The following CDH8 variants were observed in gnomAD, a reference collection of about 807,000 sequenced individuals.
The protein encoded by CDH8 is cadherin-8.
CDH8 carries 17 observed loss-of-function variants against 68.1 expected under a neutral mutation model. That is an observed-to-expected ratio of 0.25 (90% confidence interval 0.17 to 0.37). CDH8 has a LOEUF of 0.37. Ranked by LOEUF, CDH8 falls within the 10% of genes least tolerant of loss-of-function variation. CDH8 has a pLI of 1.00. For synonymous variants in CDH8, 372 were observed against 365.1 expected (o/e 1.02, Z -0.21); for missense variants, 763 against 999.3 (o/e 0.76, Z 3.19).
chr16:61,979,216 G>T (rs987304705), intron 2 of CDH8, among the ~76,000 whole-genome samples: 3 of 152,150 alleles, frequency 2.0e-5, no homozygotes, highest in Non-Finnish European at 4.4e-5. Flanking sequence ...CATCATACAG[G>T]ACTTTTGGGA....
At chr16:61,952,159 T>G (rs1964908533) in intron 2 of CDH8, among the ~76,000 whole-genome samples, 1 of 152,068 alleles carries the variant, frequency 6.6e-6, no homozygotes, top group South Asian at 2.1e-4. Context: ...TTAATAGGAG[T>G]CAAAATAATG....
Position 61,714,886 on chromosome 16 carries a change from C to T in CDH8, c.1537-928G>A, listed in dbSNP as rs150878102. On this transcript the variant is annotated intron_variant, in intron 9 of 11. Transcript: ENST00000577390. ...CGAGGATATAATAATGATGTCAATGCTATTGTGTCTGTGTGAACAATTATG... is the reference window on the plus strand; with the variant it reads ...CGAGGATATAATAATGATGTCAATGTTATTGTGTCTGTGTGAACAATTATG... Among the ~76,000 whole-genome samples, 1,504 of 151,580 alleles carry T rather than the reference C, an allele frequency of 9.9e-3. 16 individuals are homozygous for T. Among genetic ancestry groups the T allele is most frequent in the South Asian group, 0.02 (98 of 4,810 alleles).
At chr16:61,967,128 G>C (rs749153642) in intron 2 of CDH8, among the ~76,000 whole-genome samples, 51 of 152,320 alleles carry the variant, frequency 3.3e-4, no homozygotes, top group Non-Finnish European at 3.8e-4. Flanking sequence ...TTGAGCCCAG[G>C]AGTCCGAGGC....
chr16:61,812,329 G>C (rs957682468), intron 7 of CDH8, among the ~76,000 whole-genome samples: 18 of 152,144 alleles, frequency 1.2e-4, no homozygotes, highest in African/African-American at 4.3e-4. Flanking sequence ...AAAATGCAAT[G>C]CTTCTGTGTT....
chr16:61,757,272 G>T (rs1253995103), intron 8 of CDH8, among the ~76,000 whole-genome samples: 1 of 151,896 alleles, frequency 6.6e-6, no homozygotes, highest in African/African-American at 2.4e-5. Flanking sequence ...TATTTAAAGG[G>T]GTTTATGAAG....
intron 8 of CDH8, among the ~76,000 whole-genome samples, chr16:61,766,847 T>C (rs886862482): frequency 2.0e-5 from 3 of 151,992 alleles, no homozygotes; most frequent in South Asian, 2.1e-4. Flanking sequence ...TACTCGTTTG[T>C]TCTGTGCAAG....
intron 10 of CDH8, among the ~76,000 whole-genome samples, chr16:61,702,490 AAAAT>A (rs1964452040): frequency 6.6e-6 from 1 of 152,256 alleles, no homozygotes; most frequent in Non-Finnish European, 1.5e-5. Flanking sequence ...CATAGAGTCA[AAAAT>A]AATGATTGAT....
At chr16:61,973,129 C>A (rs1965372628) in intron 2 of CDH8, among the ~76,000 whole-genome samples, 1 of 152,158 alleles carries the variant, frequency 6.6e-6, no homozygotes, top group Non-Finnish European at 1.5e-5. Flanking sequence ...CCGAGTGTAA[C>A]TCTCTGCCTC....
chr16:61,801,747 C>T (rs543603714), intron 7 of CDH8, among the ~76,000 whole-genome samples: 2 of 152,180 alleles, frequency 1.3e-5, no homozygotes, highest in Admixed American at 6.5e-5. Context: ...CGAATATTGC[C>T]CTTTTCAGAC....
intron 4 of CDH8, among the ~76,000 whole-genome samples, chr16:61,838,627 T>C (rs990285055): frequency 3.8e-4 from 58 of 152,254 alleles, no homozygotes; most frequent in African/African-American, 1.1e-3. Context: ...AAGTCCCTGA[T>C]TGATTTCTGA....
At chr16:61,781,345 T>G (rs1898223) in intron 8 of CDH8, among the ~76,000 whole-genome samples, 33,245 of 152,030 alleles carry the variant, frequency 0.22, 4,160 homozygotes, top group African/African-American at 0.35. Context: ...TGGTTGTGGA[T>G]CCTGTTTGTA....
intron 3 of CDH8, among the ~76,000 whole-genome samples, chr16:61,868,044 A>G (rs1963288555): frequency 6.6e-6 from 1 of 152,168 alleles, no homozygotes; most frequent in Admixed American, 6.6e-5. Flanking sequence ...TCCTTGTTAT[A>G]CAAGTGCTGA....
chr16:61,707,479 T>C (rs1467443241), intron 10 of CDH8, among the ~76,000 whole-genome samples: 1 of 152,188 alleles, frequency 6.6e-6, no homozygotes, highest in Non-Finnish European at 1.5e-5. Flanking sequence ...CTCTCCCTTA[T>C]GTTTCATTCT....
intron 9 of CDH8, among the ~76,000 whole-genome samples, chr16:61,716,389 A>C (rs1426252761): frequency 1.3e-5 from 2 of 151,682 alleles, no homozygotes; most frequent in Non-Finnish European, 3.0e-5. Context: ...TGGTCTAAAC[A>C]TCACACCAAA....
intron 8 of CDH8, among the ~76,000 whole-genome samples, chr16:61,781,861 C>T (rs1373097022): frequency 2.0e-5 from 3 of 152,136 alleles, no homozygotes; most frequent in South Asian, 2.1e-4. Flanking sequence ...CACCAAATGG[C>T]ATGCTTTATT....
chr16:61,990,305 CTTTTTTTTTT>C (rs71134381), intron 2 of CDH8, among the ~76,000 whole-genome samples: 7 of 83,012 alleles, frequency 8.4e-5, no homozygotes, highest in Non-Finnish European at 7.1e-5. Flanking sequence ...TGAAGAAGTC[CTTTTTTTTTT>C]TTTTTTTTTT....
intron 8 of CDH8, among the ~76,000 whole-genome samples, chr16:61,739,273 T>C (rs1270686355): frequency 2.0e-5 from 3 of 152,166 alleles, no homozygotes; most frequent in African/African-American, 7.2e-5. Flanking sequence ...GAGGAATTAA[T>C]GTGTCGACAT....
chr16:61,768,372 T>TCTCTCTCTCTCTCTCTCTCTCTCTCTC (rs1960676792), intron 8 of CDH8, among the ~76,000 whole-genome samples: 1 of 38,938 alleles, frequency 2.6e-5, no homozygotes, highest in African/African-American at 1.2e-4. Flanking sequence ...CTCTCTCCCT[T>TCTCTCTCTCTCTCTCTCTCTCTCTCTC]TCTCTCTCTC....
At chr16:61,807,240 C>A (rs1389218830) in intron 7 of CDH8, among the ~76,000 whole-genome samples, 3 of 149,182 alleles carry the variant, frequency 2.0e-5, no homozygotes, top group Non-Finnish European at 4.4e-5. Context: ...CCAAACATGG[C>A]ATATTCTCAC....
Sources: gnomAD v4.1 joint callset for allele counts (sites outside exome capture counted in the v4.1 genomes callset) on GRCh38, gnomAD v4.1.1 for gene constraint, MANE v1.5 for transcripts, NCBI Gene and HGNC (gene_info 2026-07-23, HGNC 2026-07-21) for gene names.